Variants in CXorf58 observed in about 807,000 individuals in gnomAD.
CXorf58 encodes chromosome X open reading frame 58.
Under a neutral mutation model 26.0 loss-of-function variants are expected in CXorf58, and 24 were observed. The observed-to-expected ratio is 0.92, with a 90% CI of 0.67 to 1.30. The LOEUF is 1.30. Ranked by LOEUF, CXorf58 falls within the 50% of genes most tolerant of loss-of-function variation. The probability of loss-of-function intolerance (pLI) is 0.00; values close to 1 mark genes in which losing one functional copy is unlikely to be tolerated. For missense variants in CXorf58, 236 were observed against 263.9 expected (o/e 0.89, Z 0.73); for synonymous variants, 87 against 86.1 (o/e 1.01, Z -0.06).
At position 23,916,197 on chromosome X, in the gene CXorf58, A is replaced by G. The variant is rs1453134898; in HGVS notation, c.312-20A>G. ...CCCAAAACCTGATGCCAAATAACTA[A>G]ATTTTTATCTTTATTTCAGATTTAG... On this transcript the variant is annotated intron_variant, in intron 4 of 8. Coordinates refer to ENST00000379211, the MANE Select transcript of CXorf58 (RefSeq NM_152761.3). 32 of 1,081,161 alleles carry G rather than the reference A, an allele frequency of 3.0e-5. No homozygotes were observed. The highest frequency in any genetic ancestry group is 3.9e-5 in the Non-Finnish European group (31 of 791,642). The allele number at this position is 1,081,161 out of a possible 1,213,427, so 89.1% of individuals were successfully genotyped here. A position where few individuals can be genotyped will look rare whatever the true frequency, so the allele number is the denominator to read the frequency against.
chrX:23,937,219 G>A (rs2147080432), intron 7 of CXorf58, among the ~76,000 whole-genome samples: 1 of 110,775 alleles, frequency 9.0e-6, no homozygotes, highest in African/African-American at 3.3e-5. Context: ...GTGGGTAACT[G>A]GAGCTTAATC....
chrX:23,914,010 A>G (rs1927652904), intron 3 of CXorf58, among the ~76,000 whole-genome samples: 1 of 112,254 alleles, frequency 8.9e-6, no homozygotes, highest in South Asian at 3.6e-4. Context: ...CTTTTGTAAC[A>G]GAAGGAAATT....
intron 6 of CXorf58, among the ~76,000 whole-genome samples, chrX:23,929,188 C>T (rs1198531767): frequency 1.8e-5 from 2 of 110,036 alleles, no homozygotes; most frequent in South Asian, 3.8e-4. Flanking sequence ...GGGCGGATCA[C>T]GAGGTCAGGA....
intron 3 of CXorf58, among the ~76,000 whole-genome samples, chrX:23,913,399 G>A (rs1381498174): frequency 2.8e-5 from 3 of 108,258 alleles, no homozygotes; most frequent in East Asian, 5.9e-4. Flanking sequence ...ATGTTAGCCA[G>A]GCTGGTCTCA....
chrX:23,926,770 C>T (rs1019890570), intron 5 of CXorf58, among the ~76,000 whole-genome samples: 1 of 112,179 alleles, frequency 8.9e-6, no homozygotes, highest in Admixed American at 9.5e-5. Context: ...CCTATAATCC[C>T]GCACTTTGGG....
At chrX:23,932,954 C>T (rs916452336) in intron 6 of CXorf58, among the ~76,000 whole-genome samples, 2 of 110,464 alleles carry the variant, frequency 1.8e-5, no homozygotes, top group African/African-American at 3.3e-5. Flanking sequence ...GAGATTGCGC[C>T]GCTGCACTCC....
rs185539776 is a variant in CXorf58, at chrX:23,935,189, C to T, written c.556-7C>T. ...CCAACTTAATCGTTCTTGTTTTTTC[C>T]CTACAGTATCGCAGTTTTTTCGATG... On this transcript the variant is annotated splice_polypyrimidine_tract_variant and splice_region_variant and intron_variant, in intron 6 of 8. Transcript: ENST00000379211. 4.0e-5 allele frequency: 48 copies of T among 1,190,351 alleles called. No homozygotes were observed. In the East Asian group the frequency reaches 1.3e-3, roughly 32 times the overall value.
chrX:23,910,281 A>G lies in CXorf58; in HGVS notation c.-20-2A>G. ...TCAAAGGGTTAATTTATGTACTTTC[A>G]GATTACTTCATTGGAGGGAAAATGA... On this transcript the variant is annotated splice_acceptor_variant, in intron 1 of 8. Coordinates refer to ENST00000379211, the MANE Select transcript of CXorf58 (RefSeq NM_152761.3). LOFTEE classifies it low-confidence loss of function (5UTR_SPLICE). 1.0e-6 allele frequency: 1 copy of G among 983,015 alleles called. No individual in the cohort carries two copies. The highest frequency in any genetic ancestry group is 1.4e-6 in the Non-Finnish European group (1 of 693,729). The allele number at this position is 983,015 out of a possible 1,213,427, so 81.0% of individuals were successfully genotyped here.
intron 6 of CXorf58, among the ~76,000 whole-genome samples, chrX:23,932,974 G>A (rs766564013): frequency 2.7e-5 from 3 of 110,308 alleles, no homozygotes; most frequent in Admixed American, 9.7e-5. Context: ...CAGCCTGGGC[G>A]ATAAAGCAAG....
At chrX:23,927,819 T>C (rs984093013) in intron 6 of CXorf58, among the ~76,000 whole-genome samples, 6 of 111,598 alleles carry the variant, frequency 5.4e-5, no homozygotes, top group African/African-American at 2.0e-4. Flanking sequence ...CATCATAAAA[T>C]TGACCATTTT....
Position 23,910,335 on chromosome X carries a change from T to C in CXorf58, c.33T>C (p.Gly11=), listed in dbSNP as rs757379317. ...GTTCCTCAAATGTACCACGTAAAGG[T>C]ATTCTGAAATCAGGTACAAGATCCT... The part of the protein sequence containing the change: MNRSSNVPRK[G]ILKSGTRSLQ... Residue 11 remains glycine, a synonymous_variant, in exon 2 of 9, where the codon GGT becomes GGC. Transcript: ENST00000379211. 8.4e-6 allele frequency: 10 copies of C among 1,191,494 alleles called. No homozygotes were observed. Among genetic ancestry groups the C allele is most frequent in the Non-Finnish European group, 1.1e-5 (10 of 881,548 alleles).
intron 5 of CXorf58, among the ~76,000 whole-genome samples, chrX:23,923,874 C>A (rs903871410): frequency 9.1e-6 from 1 of 109,619 alleles, no homozygotes; most frequent in Non-Finnish European, 1.9e-5. Context: ...TCGAGACCAG[C>A]CTGGCCAACA....
At chrX:23,921,153 C>T (rs1334602373) in intron 5 of CXorf58, among the ~76,000 whole-genome samples, 5 of 111,324 alleles carry the variant, frequency 4.5e-5, no homozygotes, top group Non-Finnish European at 9.4e-5. Flanking sequence ...ACTCCTGCCA[C>T]CCCCTTGCTG....
In CXorf58 at chrX:23,916,275, G is replaced by A; in HGVS notation, c.370G>A (p.Gly124Ser). ...IVFKIFLHTD[G>S]HGYKYFSGKN... Reference sequence around the variant, plus strand: ...GTTTAAAATTTTTCTTCATACTGATGGCCATGGTTACAAGTATTTTAGTGG... The same window carrying A: ...GTTTAAAATTTTTCTTCATACTGATAGCCATGGTTACAAGTATTTTAGTGG... The change falls in exon 5 of 9, where the codon GGC becomes AGC. Residue 124 changes from glycine to serine, a missense_variant. Gly to Ser is a moderately conservative substitution (Grantham distance 56). Transcript: ENST00000379211. The A allele has an allele frequency of 1.7e-6, 2 of 1,203,797 alleles. No individual in the cohort carries two copies. Among genetic ancestry groups the A allele is most frequent in the Non-Finnish European group, 2.2e-6 (2 of 890,297 alleles).
chrX:23,939,350 G>GA lies in CXorf58; in HGVS notation c.*53dup, dbSNP rs781748476. ...TATGTCAGAGTGTCAGCTGGAAAAA[G>GA]AAAAAAGGACTCATTTTCCTGGTAT... On this transcript the variant is annotated 3_prime_UTR_variant, in exon 9 of 9. Coordinates refer to ENST00000379211, the MANE Select transcript of CXorf58 (RefSeq NM_152761.3). The GA allele has an allele frequency of 5.0e-5, 47 of 931,602 alleles. No individual in the cohort carries two copies. The African/African-American group carries it at 9.4e-4, about 19-fold the overall frequency. The allele number at this position is 931,602 out of a possible 1,213,427, so 76.8% of individuals were successfully genotyped here.
chrX:23,911,658 TG>T lies in CXorf58; in HGVS notation c.117-95del, dbSNP rs1927581915. ...ATTAGGTCAGTCTTAGAGTGGGGGATGGGGAGGTACAGGAGGAGGAAGCATA... is the reference window on the plus strand; with the variant it reads ...ATTAGGTCAGTCTTAGAGTGGGGGATGGGAGGTACAGGAGGAGGAAGCATA... On this transcript the variant is annotated intron_variant, in intron 2 of 8. Transcript: ENST00000379211. 3 of 511,231 alleles carry T rather than the reference TG, an allele frequency of 5.9e-6. No homozygotes were observed. The South Asian group carries it at 9.2e-5, about 16-fold the overall frequency. 42.1% of individuals were successfully genotyped at this position (511,231 alleles called of 1,213,427 possible).
intron 3 of CXorf58, among the ~76,000 whole-genome samples, chrX:23,914,990 C>T (rs994729291): frequency 1.1e-4 from 12 of 110,484 alleles, no homozygotes; most frequent in Non-Finnish European, 3.8e-5. Flanking sequence ...CAAAATTAGC[C>T]GGGCGTGGTG....
rs760908965 is a variant in CXorf58, at chrX:23,935,407, G to A, written c.767G>A (p.Arg256Gln). 495 of 1,195,949 alleles carry A rather than the reference G, an allele frequency of 4.1e-4. 4 individuals are homozygous for A. The South Asian group carries it at 8.2e-3, about 20-fold the overall frequency. Reference protein sequence around the residue: ...VTQEIHKHQLRIVSEIRGPYL... With the variant: ...VTQEIHKHQLQIVSEIRGPYL... ...CAAGAGATCCATAAGCACCAGCTAC[G>A]GATTGTTTCTGAAATTAGGTAAAAC... The change falls in exon 7 of 9, where the codon CGG becomes CAG. Residue 256 changes from arginine (R) to glutamine (Q), a missense_variant. Coordinates refer to ENST00000379211, the MANE Select transcript of CXorf58 (RefSeq NM_152761.3).
intron 5 of CXorf58, chrX:23,916,565 C>A: frequency 4.2e-6 from 1 of 235,647 alleles, no homozygotes; most frequent in African/African-American, 3.0e-5. Flanking sequence ...AAATATCCAT[C>A]CATTTTTATG....
Sources: gnomAD v4.1 joint callset for allele counts (sites outside exome capture counted in the v4.1 genomes callset) on GRCh38, gnomAD v4.1.1 for gene constraint, MANE v1.5 for transcripts, NCBI Gene and HGNC (gene_info 2026-07-23, HGNC 2026-07-21) for gene names.